Variants in ACTL6A observed in about 807,000 individuals in gnomAD.
ACTL6A encodes the protein actin like 6A.
ACTL6A carries 5 observed loss-of-function variants against 59.2 expected under a neutral mutation model. That is an observed-to-expected ratio of 0.08 (90% CI 0.04 to 0.18). The LOEUF (loss-of-function observed/expected upper bound fraction) is 0.18. Ranked by LOEUF, ACTL6A falls within the 10% of genes least tolerant of loss-of-function variation. The pLI is 1.00. For missense variants in ACTL6A, 285 were observed against 526.9 expected (o/e 0.54, Z 4.49); for synonymous variants, 154 against 171.8 (o/e 0.90, Z 0.81).
chr3:179,571,173 C>T (rs1218897974), intron 3 of ACTL6A, among the ~76,000 whole-genome samples: 1 of 152,108 alleles, frequency 6.6e-6, no homozygotes, highest in African/African-American at 2.4e-5. Flanking sequence ...AATCCCAGCA[C>T]TTTGGGAGGC....
In ACTL6A at chr3:179,565,968, C is replaced by T. The variant is rs137932169; in HGVS notation, c.25+2851C>T. 1.2e-3 allele frequency among the ~76,000 whole-genome samples: 185 copies of T among 152,036 alleles called. 1 individual carries two copies. The highest frequency in any genetic ancestry group is 3.7e-3 in the African/African-American group (155 of 41,452). The stretch of plus-strand genomic sequence containing the variant: ...TAGTTTCCCGGTTGAGATAAGAGCT[C>T]GATTGAAGGCAGTGGCAATGGTATT... On this transcript the variant is annotated intron_variant, in intron 1 of 13. Coordinates refer to ENST00000429709, the MANE Select transcript of ACTL6A (RefSeq NM_004301.5).
intron 8 of ACTL6A, 56 bp from the exon 9 acceptor site, chr3:179,580,584 A>G (rs1718306282): frequency 8.3e-7 from 1 of 1,210,524 alleles, no homozygotes; most frequent in Non-Finnish European, 1.2e-6. Context: ...TTATAAAAGT[A>G]TAGATTACAA....
rs1370337660 is a variant in ACTL6A at position 179,576,736 on chromosome 3, T to G, written c.678+10T>G. 6.2e-7 allele frequency: 1 copy of G among 1,610,090 alleles called. No homozygotes were observed. The highest frequency in any genetic ancestry group is 1.1e-5 in the South Asian group (1 of 90,996). ...TATGATTGCATCAAAAGTAAGTAAT[T>G]ATTGAATTTTCTTTGTAGAACTTAC... On this transcript the variant is annotated intron_variant, in intron 7 of 13. Coordinates refer to ENST00000429709, the MANE Select transcript of ACTL6A (RefSeq NM_004301.5).
At chr3:179,573,873 G>A (rs1408218404) in intron 4 of ACTL6A, among the ~76,000 whole-genome samples, 1 of 152,080 alleles carries the variant, frequency 6.6e-6, no homozygotes, top group Non-Finnish European at 1.5e-5. Flanking sequence ...GAAATTTCTG[G>A]ACCAAAGTCT....
chr3:179,582,261 T>TAAA (rs750041305), intron 11 of ACTL6A, among the ~76,000 whole-genome samples: 12 of 152,230 alleles, frequency 7.9e-5, no homozygotes, highest in Non-Finnish European at 1.6e-4. Context: ...TTTCTCCTTT[T>TAAA]AACTAATGAG....
intron 1 of ACTL6A, among the ~76,000 whole-genome samples, chr3:179,568,551 G>GTGTGTGTATA (rs2108355097): frequency 6.6e-6 from 1 of 151,000 alleles, no homozygotes; most frequent in South Asian, 2.1e-4. Flanking sequence ...AGACGTGTGT[G>GTGTGTGTATA]TGTGTGTATA....
chr3:179,572,667 C>T (rs1025133791), intron 3 of ACTL6A, among the ~76,000 whole-genome samples: 9 of 151,850 alleles, frequency 5.9e-5, no homozygotes, highest in South Asian at 4.1e-4. Context: ...TAGTTGGGTA[C>T]GGTGGCGGGC....
chr3:179,576,300 T>C lies in ACTL6A; in HGVS notation c.560T>C (p.Val187Ala). 1.1e-5 allele frequency: 17 copies of C among 1,598,052 alleles called. No homozygotes were observed. Among genetic ancestry groups the C allele is most frequent in the Non-Finnish European group, 1.4e-5 (17 of 1,175,394 alleles). Reference protein sequence around the residue: ...TTAIPVHDGYVLQQGIVKSPL... With the variant: ...TTAIPVHDGYALQQGIVKSPL... ...GCAATTCCAGTCCACGATGGCTATGTCCTTCAACAAGGTAAATGTATTTAA... is the reference window on the plus strand; with the variant it reads ...GCAATTCCAGTCCACGATGGCTATGCCCTTCAACAAGGTAAATGTATTTAA... The change falls in exon 6 of 14, where the codon GTC (valine) becomes GCC (alanine). Residue 187 changes from valine (V) to alanine (A), a missense_variant. By Grantham distance (64) the Val-to-Ala change is moderately conservative. Coordinates refer to ENST00000429709, the MANE Select transcript of ACTL6A (RefSeq NM_004301.5).
In ACTL6A at chr3:179,586,531, ATTC is replaced by A; in HGVS notation, c.1123-10_1123-8del. 1 of 1,542,404 alleles carries A rather than the reference ATTC, an allele frequency of 6.5e-7. No individual in the cohort carries two copies. The highest frequency in any genetic ancestry group is 1.2e-5 in the South Asian group (1 of 80,876). ...ACAAGATTTGATTGTACTAATGCAT[ATTC>A]TTCTATTTCAGAGTATGCGGTTGAA... is the stretch of plus-strand genomic sequence containing the variant. On this transcript the variant is annotated splice_polypyrimidine_tract_variant and intron_variant, in intron 12 of 13. Transcript: ENST00000429709.
Position 179,586,767 on chromosome 3 carries a change from A to G in ACTL6A, c.1209+135A>G, listed in dbSNP as rs1718506691. On this transcript the variant is annotated intron_variant, in intron 13 of 13. Transcript: ENST00000429709. ...TCAAATGAGTGGAAGACCTAATGGA[A>G]TAACCAGTTTTATGTGTTCTGATGT... 4.1e-6 allele frequency: 3 copies of G among 723,492 alleles called. No individual in the cohort carries two copies. The East Asian group carries it at 9.3e-5, about 22-fold the overall frequency. The allele number at this position is 723,492 out of a possible 1,614,324, so 44.8% of individuals were successfully genotyped here.
chr3:179,587,323 C>T (rs1297484813), intron 13 of ACTL6A, among the ~76,000 whole-genome samples: 1 of 152,088 alleles, frequency 6.6e-6, no homozygotes, highest in Non-Finnish European at 1.5e-5. Context: ...CTCATTCAAG[C>T]CTTCTGACAG....
intron 4 of ACTL6A, 55 bp from the exon 5 acceptor site, chr3:179,574,315 T>G: frequency 9.0e-7 from 1 of 1,112,624 alleles, no homozygotes; most frequent in Non-Finnish European, 1.4e-6. Context: ...TATCTGGAGA[T>G]AAATCAACTT....
Position 179,571,103 on chromosome 3 carries a change from G to A in ACTL6A, c.277+862G>A, listed in dbSNP as rs529698183. Among the ~76,000 whole-genome samples the A allele has an allele frequency of 7.9e-5, 12 of 152,090 alleles. No homozygotes were observed. The South Asian group carries it at 2.5e-3, about 32-fold the overall frequency. On this transcript the variant is annotated intron_variant, in intron 3 of 13. Coordinates refer to ENST00000429709, the MANE Select transcript of ACTL6A (RefSeq NM_004301.5). ...ATTGAGATAGGAATATAAAGGGAAG[G>A]AGCAAGTGTTACGGTTTTAAAAGGC...
chr3:179,572,269 A>C (rs1718030486), intron 3 of ACTL6A, among the ~76,000 whole-genome samples: 1 of 152,156 alleles, frequency 6.6e-6, no homozygotes, highest in African/African-American at 2.4e-5. Context: ...CAAGAAAAGA[A>C]AAAGTTTCTG....
chr3:179,586,434 G>A (rs920567186), intron 12 of ACTL6A, 112 bp from the exon 13 acceptor site: 3 of 782,578 alleles, frequency 3.8e-6, no homozygotes, highest in Non-Finnish European at 5.5e-6. Flanking sequence ...GACCAGCCTG[G>A]ACAATATGGC....
intron 5 of ACTL6A, chr3:179,575,523 T>TCCTC: frequency 4.5e-6 from 2 of 445,304 alleles, no homozygotes; most frequent in Non-Finnish European, 9.0e-6. Flanking sequence ...CCTCCCTCCT[T>TCCTC]CCTCCCTCCC....
rs568874015 is a variant in ACTL6A, at chr3:179,583,179, T to G, written c.1027-174T>G. Reference sequence around the variant, plus strand: ...TTAAAAGCTCCTTAGATGAGTTGAATGTACAGCCAGGATGGAGAATTGATG... The same window carrying G: ...TTAAAAGCTCCTTAGATGAGTTGAAGGTACAGCCAGGATGGAGAATTGATG... On this transcript the variant is annotated intron_variant, in intron 11 of 13. Transcript: ENST00000429709. 1.5e-3 allele frequency: 690 copies of G among 448,514 alleles called. 3 individuals carry two copies. The highest frequency in any genetic ancestry group is 1.6e-3 in the Admixed American group (40 of 24,902). The allele number at this position is 448,514 out of a possible 1,614,324, so 27.8% of individuals were successfully genotyped here. A position where few individuals can be genotyped will look rare whatever the true frequency, so the allele number is the denominator to read the frequency against.
At chr3:179,565,368 G>A (rs1363623416) in intron 1 of ACTL6A, among the ~76,000 whole-genome samples, 1 of 149,666 alleles carries the variant, frequency 6.7e-6, no homozygotes, top group Non-Finnish European at 1.5e-5. Flanking sequence ...ACCTGGAACT[G>A]CACTCCAGCC....
At chr3:179,585,297 T>C (rs1256071356) in intron 12 of ACTL6A, among the ~76,000 whole-genome samples, 1 of 152,142 alleles carries the variant, frequency 6.6e-6, no homozygotes, top group East Asian at 1.9e-4. Context: ...AGATGCAGTT[T>C]CTCCGTGCTG....
Sources: gnomAD v4.1 joint callset for allele counts (sites outside exome capture counted in the v4.1 genomes callset) on GRCh38, gnomAD v4.1.1 for gene constraint, MANE v1.5 for transcripts, NCBI Gene and HGNC (gene_info 2026-07-23, HGNC 2026-07-21) for gene names.